Variants in LMTK2 observed in about 807,000 individuals in gnomAD.
LMTK2 encodes the protein serine/threonine-protein kinase LMTK2.
A neutral mutation model predicts 127.5 loss-of-function variants in LMTK2; 37 were observed. That is an observed-to-expected ratio of 0.29 (90% CI 0.22 to 0.38). The LOEUF (loss-of-function observed/expected upper bound fraction) is 0.38, where lower values mean the gene tolerates loss of function less well. Ranked by LOEUF, LMTK2 falls within the 10% of genes least tolerant of loss-of-function variation. The pLI, the probability that LMTK2 is intolerant of heterozygous loss-of-function variation, is 1.00. For synonymous variants in LMTK2, 819 were observed against 810.1 expected (o/e 1.01, Z -0.19); for missense variants, 1,694 against 1,920.3 (o/e 0.88, Z 2.20).
At chr7:98,139,795 A>G (rs185894610) in intron 2 of LMTK2, among the ~76,000 whole-genome samples, 176 of 152,242 alleles carry the variant, frequency 1.2e-3, no homozygotes, top group African/African-American at 4.1e-3. Context: ...TCTTTCTTGT[A>G]TTGGATGGGG....
intron 3 of LMTK2, among the ~76,000 whole-genome samples, chr7:98,148,550 T>C (rs1796805972): frequency 6.6e-6 from 1 of 151,758 alleles, no homozygotes; most frequent in Non-Finnish European, 1.5e-5. Flanking sequence ...TAAAGTCTTG[T>C]CTAATAATTA....
At chr7:98,110,234 C>T (rs1796182612) in intron 1 of LMTK2, among the ~76,000 whole-genome samples, 1 of 152,164 alleles carries the variant, frequency 6.6e-6, no homozygotes, top group Non-Finnish European at 1.5e-5. Context: ...CATTGCTAGA[C>T]TCAGAAGCTG....
chr7:98,153,807 A>G (rs916108505), intron 4 of LMTK2, among the ~76,000 whole-genome samples: 2 of 152,124 alleles, frequency 1.3e-5, no homozygotes, highest in Non-Finnish European at 2.9e-5. Flanking sequence ...TCGAGGCTGC[A>G]GTGAGCCATA....
intron 11 of LMTK2, among the ~76,000 whole-genome samples, chr7:98,202,087 G>A (rs1034334227): frequency 6.6e-6 from 1 of 151,876 alleles, no homozygotes; most frequent in African/African-American, 2.4e-5. Flanking sequence ...TCTCTCATAG[G>A]TTCTGAGGCT....
intron 4 of LMTK2, 53 bp from the exon 5 acceptor site, chr7:98,154,705 A>T (rs1036786020): frequency 8.9e-7 from 1 of 1,124,118 alleles, no homozygotes; most frequent in Non-Finnish European, 1.4e-6. Flanking sequence ...AATGCAGCAG[A>T]CTCCTTTATC....
At chr7:98,160,684 G>T (rs866655504) in intron 6 of LMTK2, among the ~76,000 whole-genome samples, 2 of 151,950 alleles carry the variant, frequency 1.3e-5, no homozygotes, top group Non-Finnish European at 2.9e-5. Flanking sequence ...GTGTGGAGGG[G>T]GTTTGAGTCA....
chr7:98,193,741 C>A lies in LMTK2; in HGVS notation c.3276C>A (p.Phe1092Leu). ...HRGTEVTPET[F>L]TAGSQGSYRD... ...GCACAGAAGTGACCCCTGAGACGTT[C>A]ACAGCTGGCTCCCAGGGTTCATACC... Residue 1092 changes from phenylalanine (F) to leucine (L), a missense_variant, in exon 11 of 14, where the codon TTC becomes TTA. By Grantham distance (22) the Phe-to-Leu change is conservative. Coordinates refer to ENST00000297293, the MANE Select transcript of LMTK2 (RefSeq NM_014916.4). This position sits in a 1 kb window ranked among gnomAD's most constrained non-coding sequence, Gnocchi z 4.1. The A allele has an allele frequency of 6.2e-7, 1 of 1,613,920 alleles. No homozygotes were observed. The highest frequency in any genetic ancestry group is 8.5e-7 in the Non-Finnish European group (1 of 1,180,010).
chr7:98,191,627 C>G lies in LMTK2; in HGVS notation c.1162C>G (p.Gln388Glu). 3.1e-6 allele frequency: 5 copies of G among 1,605,178 alleles called. No homozygotes were observed. Among genetic ancestry groups the G allele is most frequent in the Non-Finnish European group, 3.4e-6 (4 of 1,175,756 alleles). ...PYSDRWYEVLQFCWLSPEKRP... is the reference protein window; with the variant it reads ...PYSDRWYEVLEFCWLSPEKRP... Reference sequence around the variant, plus strand: ...TGTGCTGCTCAGGTATGAAGTCTTACAGTTCTGTTGGCTGTCACCAGAAAA... The same window carrying G: ...TGTGCTGCTCAGGTATGAAGTCTTAGAGTTCTGTTGGCTGTCACCAGAAAA... Residue 388 changes from glutamine to glutamate, a missense_variant, in exon 11 of 14, where the codon CAG (glutamine) becomes GAG (glutamate). By Grantham distance (29) the Gln-to-Glu change is conservative. Coordinates refer to ENST00000297293, the MANE Select transcript of LMTK2 (RefSeq NM_014916.4).
At chr7:98,137,243 A>C in intron 1 of LMTK2, 72 bp from the exon 2 acceptor site, 4 of 1,434,248 alleles carry the variant, frequency 2.8e-6, no homozygotes, top group Non-Finnish European at 3.8e-6. Context: ...GTAGAGGAAA[A>C]TATATTGATT....
chr7:98,110,700 A>G (rs1796189435), intron 1 of LMTK2, among the ~76,000 whole-genome samples: 1 of 152,216 alleles, frequency 6.6e-6, no homozygotes, highest in African/African-American at 2.4e-5. Context: ...CTCTAAGCTC[A>G]CACTTTCTTA....
At chr7:98,148,692 A>G (rs1281518504) in intron 3 of LMTK2, among the ~76,000 whole-genome samples, 2 of 152,334 alleles carry the variant, frequency 1.3e-5, no homozygotes, top group Non-Finnish European at 2.9e-5. Context: ...TGTGATGTGC[A>G]AAAGAGAAGT....
At chr7:98,168,611 C>T (rs1206228016) in intron 6 of LMTK2, among the ~76,000 whole-genome samples, 1 of 152,168 alleles carries the variant, frequency 6.6e-6, no homozygotes, top group African/African-American at 2.4e-5. Context: ...TTACACAGTA[C>T]TGAAATTAAT....
chr7:98,145,898 G>A (rs76658219), intron 3 of LMTK2, among the ~76,000 whole-genome samples: 3,412 of 152,092 alleles, frequency 0.022, 117 homozygotes, highest in African/African-American at 0.077. Context: ...CAAATCCCTG[G>A]TCAGGAAGAT....
chr7:98,140,275 G>A (rs2116367061), intron 2 of LMTK2, among the ~76,000 whole-genome samples: 1 of 151,368 alleles, frequency 6.6e-6, no homozygotes, highest in South Asian at 2.1e-4. Flanking sequence ...TGAGTAGCCA[G>A]GACTACTCCA....
intron 1 of LMTK2, among the ~76,000 whole-genome samples, chr7:98,129,734 C>G (rs1295674089): frequency 6.6e-6 from 1 of 150,416 alleles, no homozygotes; most frequent in Admixed American, 6.6e-5. Flanking sequence ...TTTCCTGTTT[C>G]GTTCCCTTGC....
At chr7:98,124,710 C>G (rs1338647293) in intron 1 of LMTK2, among the ~76,000 whole-genome samples, 1 of 151,806 alleles carries the variant, frequency 6.6e-6, no homozygotes, top group Non-Finnish European at 1.5e-5. Context: ...TGCTTGAGCC[C>G]AGGAGTTCAA....
chr7:98,114,866 C>A (rs1325656049), intron 1 of LMTK2, among the ~76,000 whole-genome samples: 1 of 151,994 alleles, frequency 6.6e-6, no homozygotes, highest in Admixed American at 6.6e-5. Context: ...TTTTTTAAAA[C>A]CTCTTTGCGG....
At chr7:98,167,240 C>T (rs1011287436) in intron 6 of LMTK2, among the ~76,000 whole-genome samples, 17 of 152,214 alleles carry the variant, frequency 1.1e-4, no homozygotes, top group African/African-American at 4.1e-4. Flanking sequence ...ATATTAAACA[C>T]ATGCTGTGTG....
At chr7:98,177,685 C>T (rs1036014357) in intron 7 of LMTK2, among the ~76,000 whole-genome samples, 1 of 152,014 alleles carries the variant, frequency 6.6e-6, no homozygotes, top group Non-Finnish European at 1.5e-5. Context: ...CAGCCAGAGG[C>T]GTTTTCCCTA....
Sources: gnomAD v4.1 joint callset for allele counts (sites outside exome capture counted in the v4.1 genomes callset) on GRCh38, gnomAD v4.1.1 for gene constraint, Gnocchi (gnomAD v3.1) non-coding constraint, MANE v1.5 for transcripts, NCBI Gene and HGNC (gene_info 2026-07-23, HGNC 2026-07-21) for gene names.